The following MRNIP variants were observed in gnomAD, a reference collection of about 807,000 sequenced individuals.
MRNIP encodes MRN complex interacting protein.
In MRNIP, 30 loss-of-function variants were observed where a neutral mutation model predicts 29.8. That is an observed-to-expected ratio of 1.01 (90% CI 0.75 to 1.36). The LOEUF (loss-of-function observed/expected upper bound fraction) is 1.36, where lower values mean the gene tolerates loss of function less well. Among genes scored for constraint, MRNIP ranks in the 40% most tolerant of loss-of-function variants. The pLI, the probability that MRNIP is intolerant of heterozygous loss-of-function variation, is 0.00. For missense variants in MRNIP, 459 were observed against 423.5 expected (o/e 1.08, Z -0.74); for synonymous variants, 201 against 164.1 (o/e 1.23, Z -1.72).
At chr5:179,855,880 T>A (rs1290679520) in intron 1 of MRNIP, among the ~76,000 whole-genome samples, 2 of 151,398 alleles carry the variant, frequency 1.3e-5, no homozygotes, top group Non-Finnish European at 2.9e-5. Flanking sequence ...GGATTTTCTA[T>A]GAGTATATAA....
At chr5:179,852,136 A>AT (rs1759398379) in intron 2 of MRNIP, among the ~76,000 whole-genome samples, 1 of 151,760 alleles carries the variant, frequency 6.6e-6, no homozygotes, top group South Asian at 2.1e-4. Flanking sequence ...CAAAAAACAA[A>AT]TTAGCTGGGT....
At chr5:179,857,696 A>C (rs138399532) in intron 1 of MRNIP, among the ~76,000 whole-genome samples, 186 of 152,168 alleles carry the variant, frequency 1.2e-3, no homozygotes, top group African/African-American at 4.3e-3. Flanking sequence ...CATCTTGCTG[A>C]CTTTTTAACA....
At chr5:179,843,095 CAAGCAGAA>C (rs955633523) in intron 4 of MRNIP, among the ~76,000 whole-genome samples, 5 of 148,370 alleles carry the variant, frequency 3.4e-5, no homozygotes, top group Non-Finnish European at 6.0e-5. Context: ...GGCAAGCAGG[CAAGCAGAA>C]GTGTGGAAAC....
chr5:179,840,489 T>A, intron 6 of MRNIP: 1 of 367,446 alleles, frequency 2.7e-6, no homozygotes, highest in Non-Finnish European at 4.9e-6. Context: ...CAAATGCGAG[T>A]GTGGAGGGAA....
intron 5 of MRNIP, chr5:179,841,586 A>G: frequency 3.4e-6 from 1 of 293,532 alleles, no homozygotes; most frequent in Non-Finnish European, 6.3e-6. Flanking sequence ...TGCTTCTCTG[A>G]GCTAAAAGCT....
intron 6 of MRNIP, 105 bp downstream of exon 6, chr5:179,840,767 T>C: frequency 1.1e-6 from 1 of 875,998 alleles, no homozygotes; most frequent in Non-Finnish European, 1.9e-6. Context: ...AGATGGGCTT[T>C]CTGCGGGTAG....
chr5:179,842,852 G>A (rs1054681103), intron 4 of MRNIP, among the ~76,000 whole-genome samples: 3 of 150,566 alleles, frequency 2.0e-5, no homozygotes, highest in Non-Finnish European at 3.0e-5. Flanking sequence ...AGGCAACATG[G>A]TGAAACCCCG....
At chr5:179,849,956 A>C in intron 2 of MRNIP, among the ~76,000 whole-genome samples, 1 of 150,590 alleles carries the variant, frequency 6.6e-6, no homozygotes, top group Non-Finnish European at 1.5e-5. Flanking sequence ...ACGGGATGGA[A>C]TTTGAGAGTA....
Position 179,842,023 on chromosome 5 carries a change from T to TA in MRNIP, c.332dup (p.Glu112ArgfsTer37), listed in dbSNP as rs1334859248. 6.2e-7 allele frequency: 1 copy of TA among 1,614,146 alleles called. No individual in the cohort carries two copies. Among genetic ancestry groups the TA allele is most frequent in the South Asian group, 1.1e-5 (1 of 91,078 alleles). ...GCTCCAGTTCTTGGGAGTCCTTTTC[T>TA]AGATACTTCAGCCAGCGACTCTCTG... is the stretch of plus-strand genomic sequence containing the variant. On this transcript the variant is annotated frameshift_variant, in exon 5 of 7. Transcript: ENST00000292586. LOFTEE classifies it high-confidence loss of function.
At chr5:179,843,173 C>CT (rs1047668715) in intron 4 of MRNIP, among the ~76,000 whole-genome samples, 3 of 151,880 alleles carry the variant, frequency 2.0e-5, no homozygotes, top group Non-Finnish European at 4.4e-5. Flanking sequence ...TCTGTAAATA[C>CT]TTTTGTTTTT....
At chr5:179,852,045 C>T (rs780260923) in intron 2 of MRNIP, among the ~76,000 whole-genome samples, 60 of 151,890 alleles carry the variant, frequency 4.0e-4, no homozygotes, top group Middle Eastern at 6.8e-3. Flanking sequence ...TTTTTGTCTA[C>T]GGAGGCAGGT....
At chr5:179,858,166 G>C (rs1288483635) in intron 1 of MRNIP, among the ~76,000 whole-genome samples, 1 of 151,098 alleles carries the variant, frequency 6.6e-6, no homozygotes, top group Non-Finnish European at 1.5e-5. Flanking sequence ...TCCGGAAAAG[G>C]TTAAGTGGCA....
chr5:179,858,642 A>T, intron 1 of MRNIP, 89 bp downstream of exon 1: 1 of 842,770 alleles, frequency 1.2e-6, no homozygotes, highest in Non-Finnish European at 1.8e-6. Context: ...TGCATCCCGG[A>T]GCCATTCGAG....
chr5:179,841,337 C>G (rs1758873438), intron 5 of MRNIP: 1 of 204,222 alleles, frequency 4.9e-6, no homozygotes, highest in Non-Finnish European at 9.9e-6. Flanking sequence ...GATAGGGTCT[C>G]CCTATGTTGC....
chr5:179,844,447 A>C lies in MRNIP; in HGVS notation c.216-220T>G, dbSNP rs1759044348. ...TTTGAACCCGGAAGGCAGAGGCTGC[A>C]GTGAGCCAAGATTGCTGGAAGATGG... On this transcript the variant is annotated intron_variant, in intron 3 of 6. Coordinates refer to ENST00000292586, the MANE Select transcript of MRNIP (RefSeq NM_016175.4). 6.4e-6 allele frequency: 3 copies of C among 470,810 alleles called. No individual in the cohort carries two copies. In the East Asian group the frequency reaches 1.3e-4, roughly 20 times the overall value. The allele number at this position is 470,810 out of a possible 1,614,324, so 29.2% of individuals were successfully genotyped here. A position where few individuals can be genotyped will look rare whatever the true frequency, so the allele number is the denominator to read the frequency against.
chr5:179,854,729 C>T (rs925357272), intron 1 of MRNIP, among the ~76,000 whole-genome samples: 5 of 152,100 alleles, frequency 3.3e-5, no homozygotes, highest in African/African-American at 4.8e-5. Context: ...AAAAACACTC[C>T]GTAAGACTCA....
rs1366190023 is a variant in MRNIP at position 179,844,230 on chromosome 5, T to TCA, written c.216-5_216-4dup. The TCA allele has an allele frequency of 6.2e-7, 1 of 1,613,244 alleles. No homozygotes were observed. The highest frequency in any genetic ancestry group is 8.5e-7 in the Non-Finnish European group (1 of 1,179,352). On this transcript the variant is annotated splice_region_variant and splice_polypyrimidine_tract_variant and intron_variant, in intron 3 of 6. Coordinates refer to ENST00000292586, the MANE Select transcript of MRNIP (RefSeq NM_016175.4). Reference sequence around the variant, plus strand: ...CACTGACAGTTTCTTCTAGAGACCTTCAGGGAAGACCATACATATGCCCTT... The same window carrying TCA: ...CACTGACAGTTTCTTCTAGAGACCTTCACAGGGAAGACCATACATATGCCCTT...
Position 179,858,814 on chromosome 5 carries a change from C to A in MRNIP, c.-18G>T. 6.5e-7 allele frequency: 1 copy of A among 1,538,086 alleles called. No homozygotes were observed. Among genetic ancestry groups the A allele is most frequent in the Non-Finnish European group, 8.7e-7 (1 of 1,143,464 alleles). ...GACGCCATCCCTGCTTGTGCAGTCG[C>A]CAGGCAGCCAAGCGCGTGCGCTCTG... On this transcript the variant is annotated 5_prime_UTR_variant, in exon 1 of 7. Transcript: ENST00000292586.
At chr5:179,842,904 G>T (rs546531548) in intron 4 of MRNIP, among the ~76,000 whole-genome samples, 1 of 151,442 alleles carries the variant, frequency 6.6e-6, no homozygotes, top group Admixed American at 6.6e-5. Flanking sequence ...GTGGTGGTGC[G>T]TGCCTGTAAT....
Sources: allele counts gnomAD v4.1 joint callset (sites outside exome capture counted in the v4.1 genomes callset), GRCh38; gene constraint gnomAD v4.1.1; transcripts MANE v1.5; gene names NCBI Gene and HGNC (gene_info 2026-07-23, HGNC 2026-07-21).